SYN2: variants seen among roughly 807,000 people sequenced by gnomAD.
The protein encoded by SYN2 is synapsin II, also known as synapsin-2.
Under a neutral mutation model 50.9 loss-of-function variants are expected in SYN2, and 19 were observed. The observed-to-expected ratio is 0.37, with a 90% confidence interval of 0.26 to 0.55. The LOEUF (loss-of-function observed/expected upper bound fraction) is 0.55. SYN2 is among the 20% of genes least tolerant of loss of function. The pLI is 0.81. For synonymous variants in SYN2, 255 were observed against 224.9 expected, an observed-to-expected ratio of 1.13 and a Z score of -1.20; for missense variants, 587 against 576.4, an observed-to-expected ratio of 1.02 and a Z score of -0.19.
intron 1 of SYN2, among the ~76,000 whole-genome samples, chr3:12,011,510 TATATGGGCCTTG>T (rs1255819356): frequency 1.3e-5 from 2 of 152,208 alleles, no homozygotes; most frequent in Admixed American, 6.5e-5. Flanking sequence ...TAGGAGGATG[TATATGGGCCTTG>T]GTGTTTGTTG....
chr3:12,158,281 G>T (rs1408322730), intron 5 of SYN2, among the ~76,000 whole-genome samples: 1 of 152,178 alleles, frequency 6.6e-6, no homozygotes, highest in East Asian at 1.9e-4. Flanking sequence ...AGGACAGAAC[G>T]TGTGTGTTGC....
chr3:12,045,193 G>T (rs1400950843), intron 1 of SYN2, among the ~76,000 whole-genome samples: 1 of 152,100 alleles, frequency 6.6e-6, no homozygotes, highest in Non-Finnish European at 1.5e-5. Context: ...ATGTTTAAAG[G>T]GGGGTTTACT....
chr3:12,187,429 T>C lies in SYN2; in HGVS notation c.1430T>C (p.Leu477Pro). The C allele has an allele frequency of 6.5e-7, 1 of 1,547,340 alleles. No individual in the cohort carries two copies. ...GGCAAGGTGCTGCCTCCACGCCGGCTCCCCCCTGGACCATCACTGCCACCT... is the reference window on the plus strand; with the variant it reads ...GGCAAGGTGCTGCCTCCACGCCGGCCCCCCCCTGGACCATCACTGCCACCT... ...PPGKVLPPRR[L>P]PPGPSLPPSS... The change falls in exon 12 of 13, where the codon CTC (leucine) becomes CCC (proline). Residue 477 changes from leucine (L) to proline (P), a missense_variant. Physicochemically the swap from Leu to Pro is moderately conservative, Grantham distance 98. Transcript: ENST00000621198.
chr3:12,023,405 G>A (rs1452007048), intron 1 of SYN2, among the ~76,000 whole-genome samples: 1 of 152,052 alleles, frequency 6.6e-6, no homozygotes, highest in East Asian at 1.9e-4. Flanking sequence ...AGAGAGGATA[G>A]GGAGGTAGCT....
At chr3:12,142,410 T>G (rs1425195025) in intron 3 of SYN2, among the ~76,000 whole-genome samples, 1 of 152,236 alleles carries the variant, frequency 6.6e-6, no homozygotes, top group Admixed American at 6.5e-5. Context: ...TACATTGATT[T>G]GCTTAGATTC....
At chr3:12,089,379 C>G (rs1303316113) in intron 1 of SYN2, among the ~76,000 whole-genome samples, 1 of 152,200 alleles carries the variant, frequency 6.6e-6, no homozygotes, top group Admixed American at 6.5e-5. Context: ...TGGGAAAGGC[C>G]TGCCCCTCAT....
intron 9 of SYN2, 59 bp downstream of exon 9, chr3:12,168,537 C>A: frequency 7.3e-7 from 1 of 1,374,054 alleles, no homozygotes; most frequent in Non-Finnish European, 1.0e-6. Context: ...ATGTGGGCAG[C>A]TCAGACTGCC....
intron 2 of SYN2, among the ~76,000 whole-genome samples, chr3:12,141,575 T>G (rs1697020814): frequency 6.6e-6 from 1 of 152,228 alleles, no homozygotes; most frequent in African/African-American, 2.4e-5. Context: ...TCAGTCCACA[T>G]TCTCGCTCTG....
At chr3:12,010,038 T>G (rs1361028642) in intron 1 of SYN2, among the ~76,000 whole-genome samples, 1 of 152,040 alleles carries the variant, frequency 6.6e-6, no homozygotes, top group Admixed American at 6.5e-5. Flanking sequence ...GAGGTTATGG[T>G]GAGCCGAGAT....
chr3:12,172,477 A>G (rs1374812675), intron 10 of SYN2, among the ~76,000 whole-genome samples: 1 of 152,200 alleles, frequency 6.6e-6, no homozygotes. Context: ...TACAGATCAA[A>G]ACTAAGCCAA....
intron 1 of SYN2, among the ~76,000 whole-genome samples, chr3:12,008,321 AC>A (rs1484879453): frequency 6.6e-6 from 1 of 152,188 alleles, no homozygotes; most frequent in African/African-American, 2.4e-5. Flanking sequence ...TTTATGAAGC[AC>A]CTTCTCTGTA....
chr3:12,005,006 G>A (rs1446953855), intron 1 of SYN2, 78 bp downstream of exon 1: 2 of 406,252 alleles, frequency 4.9e-6, no homozygotes, highest in Non-Finnish European at 8.7e-6. Context: ...GTCCCAGGTC[G>A]CCGAGGAAAC....
At chr3:12,142,257 A>G (rs1297661670) in intron 3 of SYN2, among the ~76,000 whole-genome samples, 3 of 152,218 alleles carry the variant, frequency 2.0e-5, no homozygotes, top group Admixed American at 6.5e-5. Context: ...TGGATTCCTT[A>G]TAGGATTATT....
chr3:12,156,845 G>C (rs755404721), intron 5 of SYN2: 4 of 1,614,158 alleles, frequency 2.5e-6, no homozygotes, highest in Non-Finnish European at 3.4e-6. Flanking sequence ...GCTTCTGGCT[G>C]TTGGCTTCTA....
intron 1 of SYN2, among the ~76,000 whole-genome samples, chr3:12,127,914 T>G (rs1000026690): frequency 6.6e-6 from 1 of 152,138 alleles, no homozygotes; most frequent in African/African-American, 2.4e-5. Flanking sequence ...ATGATAAAAA[T>G]AAAACTCCCT....
At chr3:12,097,317 C>T (rs1350856419) in intron 1 of SYN2, among the ~76,000 whole-genome samples, 1 of 152,144 alleles carries the variant, frequency 6.6e-6, no homozygotes, top group Non-Finnish European at 1.5e-5. Context: ...GAAAATGTGG[C>T]ACATAATGGC....
At position 12,161,560 on chromosome 3, in the gene SYN2, G is replaced by T. The variant is rs750769489; in HGVS notation, c.789G>T (p.Thr263=). ...PNHKEMLTLP[T]FPVVVKIGHA... ...TCTGATTTCAGCTGACACTGCCCAC[G>T]TTCCCTGTGGTGGTGAAGATTGGCC... The change falls in exon 6 of 13, where the codon ACG becomes ACT. Residue 263 remains threonine (T), a synonymous_variant. Transcript: ENST00000621198. 2.4e-5 allele frequency: 38 copies of T among 1,613,854 alleles called. No homozygotes were observed. Among genetic ancestry groups the T allele is most frequent in the Non-Finnish European group, 3.2e-5 (38 of 1,179,908 alleles).
intron 1 of SYN2, among the ~76,000 whole-genome samples, chr3:12,076,222 G>A (rs1156702955): frequency 6.6e-6 from 1 of 151,992 alleles, no homozygotes; most frequent in Non-Finnish European, 1.5e-5. Flanking sequence ...TAATACCAGT[G>A]TGAGGTAATA....
At chr3:12,137,159 G>A (rs1173623400) in intron 1 of SYN2, among the ~76,000 whole-genome samples, 2 of 151,338 alleles carry the variant, frequency 1.3e-5, no homozygotes, top group African/African-American at 4.9e-5. Flanking sequence ...GAGGCAGGAG[G>A]ATCACTGGAG....
Sources: allele counts gnomAD v4.1 joint callset (sites outside exome capture counted in the v4.1 genomes callset), GRCh38; gene constraint gnomAD v4.1.1; transcripts MANE v1.5; gene names NCBI Gene and HGNC (gene_info 2026-07-23, HGNC 2026-07-21).